KIF1C: variants seen among roughly 807,000 people sequenced by gnomAD.
KIF1C encodes kinesin family member 1C, also known as kinesin-like protein KIF1C.
Under a neutral mutation model 126.5 loss-of-function variants are expected in KIF1C, and 61 were observed. The ratio of observed to expected loss-of-function variants is 0.48; its 90% CI spans 0.39 to 0.60. KIF1C has a LOEUF of 0.60. Among genes scored for constraint, KIF1C ranks in the 20% least tolerant of loss-of-function variants. The pLI, the probability that KIF1C is intolerant of heterozygous loss-of-function variation, is 0.00. For synonymous variants in KIF1C, 640 were observed against 580.6 expected, an observed-to-expected ratio of 1.10 and a Z score of -1.47; for missense variants, 1,315 against 1,489.2, an observed-to-expected ratio of 0.88 and a Z score of 1.93.
In KIF1C at chr17:5,004,587, A is replaced by G. The variant is rs748146702; in HGVS notation, c.961A>G (p.Met321Val). ...ENLGGNSRTA[M>V]IAALSPADIN... is the part of the protein sequence containing the mutation. ...CACAGGGGGGAACTCACGCACAGCC[A>G]TGATTGCAGCCCTGAGCCCTGCTGA... Residue 321 changes from methionine (M) to valine (V), a missense_variant, in exon 12 of 23, where the codon ATG (methionine) becomes GTG (valine). Met to Val is a conservative substitution (Grantham distance 21). Around this residue, in one of 2 missense-constraint regions of KIF1C, gnomAD observed 874 missense variants for 1,053.2 expected, o/e 0.83. Transcript: ENST00000320785. 3 of 1,614,058 alleles carry G rather than the reference A, an allele frequency of 1.9e-6. No individual in the cohort carries two copies. In the African/African-American group the frequency reaches 4.0e-5, roughly 22 times the overall value.
chr17:5,000,413 G>A (rs1974553239), intron 3 of KIF1C, 61 bp downstream of exon 3: 1 of 1,154,584 alleles, frequency 8.7e-7, no homozygotes, highest in Non-Finnish European at 1.3e-6. Context: ...CACCACACAG[G>A]CCAGTCCCGC....
chr17:5,011,212 G>A (rs1974859146), intron 16 of KIF1C, among the ~76,000 whole-genome samples: 1 of 152,150 alleles, frequency 6.6e-6, no homozygotes, highest in Non-Finnish European at 1.5e-5. Flanking sequence ...TTAGACTCAT[G>A]GGGAAATGGG....
chr17:5,002,392 TGGAGTC>T, intron 6 of KIF1C, 66 bp from the exon 7 acceptor site: 1 of 1,387,572 alleles, frequency 7.2e-7, no homozygotes, highest in Non-Finnish European at 1.0e-6. Context: ...TCGTGTCCAG[TGGAGTC>T]AGATTAAGTT....
chr17:5,011,838 C>T (rs1190981404), intron 16 of KIF1C: 1 of 152,314 alleles, frequency 6.6e-6, no homozygotes, highest in Non-Finnish European at 1.5e-5. Context: ...CTCCATGCTT[C>T]TGTCCAGGCT....
At position 5,007,071 on chromosome 17, in the gene KIF1C, T is replaced by A; in HGVS notation, c.1322T>A (p.Met441Lys). 6.3e-7 allele frequency: 1 copy of A among 1,591,782 alleles called. No homozygotes were observed. Among genetic ancestry groups the A allele is most frequent in the Non-Finnish European group, 8.5e-7 (1 of 1,172,016 alleles). Residue 441 changes from methionine to lysine, a missense_variant, in exon 14 of 23, where the codon ATG becomes AAG. Met to Lys is a moderately conservative substitution (Grantham distance 95). Transcript: ENST00000320785. ...TESQIGPEEA[M>K]ERLQETEKII... ...TCCCAGATTGGGCCTGAGGAAGCCATGGAGAGGCTGCAGGTGGGAAGCTGG... is the reference window on the plus strand; with the variant it reads ...TCCCAGATTGGGCCTGAGGAAGCCAAGGAGAGGCTGCAGGTGGGAAGCTGG...
At chr17:5,019,770 A>G in intron 18 of KIF1C, 1 of 573,210 alleles carries the variant, frequency 1.7e-6, no homozygotes, top group East Asian at 3.0e-5. Context: ...GTCAGGAGCC[A>G]CTGCAGAGGC....
chr17:5,019,186 TATAAGTATTATA>T (rs1459698738), intron 18 of KIF1C: 1 of 167,350 alleles, frequency 6.0e-6, no homozygotes, highest in Non-Finnish European at 1.5e-5. Context: ...TTACTTCCAG[TATAAGTATTATA>T]ATAATAAAAC....
chr17:5,001,502 G>GT, intron 5 of KIF1C, 101 bp downstream of exon 5: 3 of 1,170,538 alleles, frequency 2.6e-6, no homozygotes, highest in Non-Finnish European at 3.6e-6. Flanking sequence ...CAGAGACCTG[G>GT]CTCTGAGGCC....
At chr17:5,016,396 T>G (rs1368479952) in intron 18 of KIF1C, among the ~76,000 whole-genome samples, 1 of 151,420 alleles carries the variant, frequency 6.6e-6, no homozygotes, top group Non-Finnish European at 1.5e-5. Context: ...GATTACAGGC[T>G]TGAGCCACCA....
Position 5,023,444 on chromosome 17 carries a change from C to G in KIF1C, c.2629-24C>G. Reference sequence around the variant, plus strand: ...ATTCAGCTCTCCTCACATCCCTTCTCCTTTTCTCACTCCTCCCTCCCAGGA... The same window carrying G: ...ATTCAGCTCTCCTCACATCCCTTCTGCTTTTCTCACTCCTCCCTCCCAGGA... On this transcript the variant is annotated intron_variant, in intron 22 of 22. Transcript: ENST00000320785. The surrounding 1 kb of genome is among the most constrained non-coding windows in gnomAD (Gnocchi z 4.2). 6.2e-7 allele frequency: 1 copy of G among 1,603,678 alleles called. No homozygotes were observed.
intron 18 of KIF1C, among the ~76,000 whole-genome samples, chr17:5,017,954 C>T (rs907215501): frequency 5.3e-5 from 8 of 152,064 alleles, no homozygotes; most frequent in Admixed American, 2.6e-4. Flanking sequence ...CCCTGCATAA[C>T]ACGTATTCCC....
chr17:5,022,752 T>C lies in KIF1C; in HGVS notation c.2628+43T>C. On this transcript the variant is annotated intron_variant, in intron 22 of 22. Coordinates refer to ENST00000320785, the MANE Select transcript of KIF1C (RefSeq NM_006612.6). This position sits in a 1 kb window ranked among gnomAD's most constrained non-coding sequence, Gnocchi z 4.9. ...CCTCCCTTCTCTCCTCCCTCGGCTC[T>C]TCACTTTAGGAGTCTGAACCTTCCA... 1.4e-6 allele frequency: 2 copies of C among 1,473,816 alleles called. No homozygotes were observed. The highest frequency in any genetic ancestry group is 1.4e-5 in the South Asian group (1 of 70,180). The allele number at this position is 1,473,816 out of a possible 1,614,324, so 91.3% of individuals were successfully genotyped here.
intron 4 of KIF1C, 29 bp downstream of exon 4, chr17:5,000,877 G>A (rs751040755): frequency 4.9e-5 from 78 of 1,598,362 alleles, no homozygotes; most frequent in Middle Eastern, 3.3e-4. Flanking sequence ...GGAAGAGCAA[G>A]GCAGTGAGAG....
At position 5,023,801 on chromosome 17, in the gene KIF1C, C is replaced by A. The variant is rs376256028; in HGVS notation, c.2962C>A (p.Arg988=). 6.6e-7 allele frequency: 1 copy of A among 1,519,192 alleles called. No individual in the cohort carries two copies. The highest frequency in any genetic ancestry group is 8.8e-7 in the Non-Finnish European group (1 of 1,135,526). 94.1% of individuals were successfully genotyped at this position (1,519,192 alleles called of 1,614,324 possible). Residue 988 remains arginine (R), a synonymous_variant, in exon 23 of 23, where the codon CGG becomes AGG. Coordinates refer to ENST00000320785, the MANE Select transcript of KIF1C (RefSeq NM_006612.6). This position sits in a 1 kb window ranked among gnomAD's most constrained non-coding sequence, Gnocchi z 4.2. ...CCCCTTCAAGAGCAACCCCCAGCAC[C>A]GGGAGTCTTGGCCAGGGATGGGGAG... ...RFPFKSNPQH[R]ESWPGMGSGE...
chr17:5,013,046 G>T (rs1297473884), intron 16 of KIF1C, among the ~76,000 whole-genome samples: 1 of 152,186 alleles, frequency 6.6e-6, no homozygotes, highest in Non-Finnish European at 1.5e-5. Flanking sequence ...CTGGGGAAGA[G>T]TCAATGAGTC....
At position 5,009,802 on chromosome 17, in the gene KIF1C, A is replaced by G. The variant is rs1013771764; in HGVS notation, c.1491+2260A>G. On this transcript the variant is annotated intron_variant, in intron 16 of 22. Transcript: ENST00000320785. The stretch of plus-strand genomic sequence containing the variant: ...ACTCTGTCTCAAAAAAAAAAAAAAG[A>G]AAAAATGTTCTCCTAGAGATGCTGT... 1.7e-4 allele frequency among the ~76,000 whole-genome samples: 25 copies of G among 151,342 alleles called. No homozygotes were observed. In the East Asian group the frequency reaches 3.7e-3, roughly 23 times the overall value.
intron 1 of KIF1C, among the ~76,000 whole-genome samples, chr17:4,998,602 T>G (rs1974462878): frequency 3.3e-5 from 5 of 152,158 alleles, no homozygotes; most frequent in Non-Finnish European, 7.4e-5. Context: ...CCATCGCTTG[T>G]CCCCACCAGT....
chr17:5,021,508 C>T (rs1030731487), intron 21 of KIF1C, among the ~76,000 whole-genome samples: 1 of 151,608 alleles, frequency 6.6e-6, no homozygotes, highest in Non-Finnish European at 1.5e-5. Context: ...GAGGCAGGAT[C>T]TTGCTCTGTC....
In KIF1C at chr17:5,022,143, A is replaced by G. The variant is rs1975103366; in HGVS notation, c.2062A>G (p.Ser688Gly). 6.2e-7 allele frequency: 1 copy of G among 1,613,364 alleles called. No homozygotes were observed. The highest frequency in any genetic ancestry group is 1.3e-5 in the African/African-American group (1 of 74,908). Reference protein sequence around the residue: ...DDSDKRSCEESWRLISSLREQ... With the variant: ...DDSDKRSCEEGWRLISSLREQ... ...CTCTGACAAGCGCTCTTGTGAAGAGAGCTGGAGGCTCATCTCCTCCTTGCG... is the reference window on the plus strand; with the variant it reads ...CTCTGACAAGCGCTCTTGTGAAGAGGGCTGGAGGCTCATCTCCTCCTTGCG... The change falls in exon 22 of 23, where the codon AGC (serine) becomes GGC (glycine). Residue 688 changes from serine (S) to glycine (G), a missense_variant. Ser to Gly is a moderately conservative substitution (Grantham distance 56). Around this residue, in one of 2 missense-constraint regions of KIF1C, gnomAD observed 874 missense variants for 1,053.2 expected, o/e 0.83. Coordinates refer to ENST00000320785, the MANE Select transcript of KIF1C (RefSeq NM_006612.6). This position sits in a 1 kb window ranked among gnomAD's most constrained non-coding sequence, Gnocchi z 4.9.
Sources: allele counts gnomAD v4.1 joint callset (sites outside exome capture counted in the v4.1 genomes callset), GRCh38; gene constraint gnomAD v4.1.1; regional missense constraint gnomAD v4.1.1; non-coding constraint Gnocchi (gnomAD v3.1); transcripts MANE v1.5; gene names NCBI Gene and HGNC (gene_info 2026-07-23, HGNC 2026-07-21).